The following TSPAN14 variants were observed in gnomAD, a reference collection of about 807,000 sequenced individuals.
The protein encoded by TSPAN14 is tetraspanin-14.
TSPAN14 carries 16 observed loss-of-function variants against 36.6 expected under a neutral mutation model. The ratio of observed to expected loss-of-function variants is 0.44; its 90% confidence interval spans 0.30 to 0.66. TSPAN14 has a LOEUF of 0.66. Among genes scored for constraint, TSPAN14 ranks in the 30% least tolerant of loss-of-function variants. The pLI, the probability that TSPAN14 is intolerant of heterozygous loss-of-function variation, is 0.12. For missense variants in TSPAN14, 231 were observed against 355.1 expected, an observed-to-expected ratio of 0.65 and a Z score of 2.81; for synonymous variants, 139 against 143.8, an observed-to-expected ratio of 0.97 and a Z score of 0.24.
chr10:80,485,843 G>A, intron 1 of TSPAN14: 1 of 342,654 alleles, frequency 2.9e-6, no homozygotes, highest in Non-Finnish European at 4.1e-6. Flanking sequence ...GGGGGAAAAA[G>A]TGTCACTGGG....
intron 1 of TSPAN14, among the ~76,000 whole-genome samples, chr10:80,458,188 G>A (rs116555529): frequency 0.011 from 1,722 of 152,334 alleles, 37 homozygotes; most frequent in African/African-American, 0.039. Context: ...ACTTTTGTGG[G>A]ACTCGGGGAT....
At chr10:80,501,306 T>A (rs984678572) in intron 2 of TSPAN14, among the ~76,000 whole-genome samples, 1 of 91,126 alleles carries the variant, frequency 1.1e-5, no homozygotes, top group Admixed American at 1.3e-4. Flanking sequence ...TTTTTTTTTT[T>A]AAGAGATGGG....
intron 7 of TSPAN14, among the ~76,000 whole-genome samples, chr10:80,514,373 T>C (rs1029866473): frequency 1.2e-4 from 19 of 152,222 alleles, no homozygotes; most frequent in East Asian, 7.7e-4. Context: ...GGAGGCTCCT[T>C]GGCATCCCAG....
chr10:80,508,719 T>C (rs545112546), intron 4 of TSPAN14, among the ~76,000 whole-genome samples: 1 of 152,314 alleles, frequency 6.6e-6, no homozygotes, highest in East Asian at 1.9e-4. Flanking sequence ...TGCAGGGAAC[T>C]CACATGTCCT....
intron 1 of TSPAN14, among the ~76,000 whole-genome samples, chr10:80,462,006 C>T (rs940190281): frequency 2.0e-5 from 3 of 151,890 alleles, no homozygotes; most frequent in African/African-American, 7.3e-5. Flanking sequence ...CTCCACCTTC[C>T]TGGCTCAAGT....
chr10:80,483,059 G>T (rs887979579), intron 1 of TSPAN14, among the ~76,000 whole-genome samples: 1 of 151,880 alleles, frequency 6.6e-6, no homozygotes, highest in Non-Finnish European at 1.5e-5. Flanking sequence ...TCACACTTAT[G>T]AATTGTTGAG....
chr10:80,484,048 C>G (rs1206191194), intron 1 of TSPAN14, among the ~76,000 whole-genome samples: 1 of 149,866 alleles, frequency 6.7e-6, no homozygotes, highest in African/African-American at 2.5e-5. Context: ...AGTTCAAAAC[C>G]AGCCTGGGCA....
At chr10:80,517,836 C>G in intron 8 of TSPAN14, 69 bp from the exon 9 acceptor site, 1 of 1,475,708 alleles carries the variant, frequency 6.8e-7, no homozygotes, top group South Asian at 1.2e-5. Context: ...CCCAACCCCA[C>G]CCTCCGCTCC....
chr10:80,497,216 G>A (rs1396669032), intron 2 of TSPAN14, among the ~76,000 whole-genome samples: 1 of 152,208 alleles, frequency 6.6e-6, no homozygotes. Context: ...CTGTTACAGT[G>A]ATATAAAAAC....
chr10:80,454,809 A>G (rs905978450), intron 1 of TSPAN14, among the ~76,000 whole-genome samples: 64 of 152,130 alleles, frequency 4.2e-4, no homozygotes, highest in African/African-American at 1.4e-3. Flanking sequence ...CTTTCGGCTC[A>G]GTCACCCACC....
intron 7 of TSPAN14, 53 bp downstream of exon 7, chr10:80,514,116 T>A (rs1840805720): frequency 2.0e-6 from 3 of 1,514,692 alleles, no homozygotes; most frequent in Non-Finnish European, 2.7e-6. Context: ...TTATTCCCTG[T>A]GGTTCAACAT....
chr10:80,466,921 G>A (rs570737302), intron 1 of TSPAN14, among the ~76,000 whole-genome samples: 1 of 152,342 alleles, frequency 6.6e-6, no homozygotes, highest in Non-Finnish European at 1.5e-5. Context: ...CAGGTCATAG[G>A]TGGGTTCGGA....
chr10:80,511,875 T>A (rs1010166039), intron 5 of TSPAN14, among the ~76,000 whole-genome samples: 43 of 151,558 alleles, frequency 2.8e-4, no homozygotes, highest in African/African-American at 9.7e-4. Flanking sequence ...TGTTTCCAAC[T>A]CCTGGGCTCA....
At chr10:80,465,856 G>C (rs1368737237) in intron 1 of TSPAN14, among the ~76,000 whole-genome samples, 2 of 152,170 alleles carry the variant, frequency 1.3e-5, no homozygotes, top group Admixed American at 6.5e-5. Context: ...ACTGTACCCT[G>C]CTTCTTCACA....
At chr10:80,480,973 G>T (rs1302887741) in intron 1 of TSPAN14, among the ~76,000 whole-genome samples, 6 of 152,102 alleles carry the variant, frequency 3.9e-5, no homozygotes, top group Non-Finnish European at 4.4e-5. Flanking sequence ...GGGCGTGGTG[G>T]TGCATGCCTG....
At chr10:80,488,710 C>T (rs1318744114) in intron 1 of TSPAN14, among the ~76,000 whole-genome samples, 1 of 152,146 alleles carries the variant, frequency 6.6e-6, no homozygotes, top group Admixed American at 6.5e-5. Context: ...CCTGCCTGCA[C>T]GTTCATCTCC....
chr10:80,493,498 A>G (rs982557653), intron 2 of TSPAN14, among the ~76,000 whole-genome samples: 2 of 152,270 alleles, frequency 1.3e-5, no homozygotes, highest in Non-Finnish European at 2.9e-5. Context: ...GCCAAAAGGT[A>G]GAAACAACCA....
intron 6 of TSPAN14, among the ~76,000 whole-genome samples, chr10:80,513,697 T>C (rs1840776077): frequency 6.6e-6 from 1 of 152,380 alleles, no homozygotes; most frequent in East Asian, 1.9e-4. Context: ...GTGAAAATTA[T>C]ATGAAATTCA....
At chr10:80,477,508 A>C (rs1322260112) in intron 1 of TSPAN14, among the ~76,000 whole-genome samples, 1 of 152,244 alleles carries the variant, frequency 6.6e-6, no homozygotes, top group Non-Finnish European at 1.5e-5. Context: ...AGAAAACAAC[A>C]GCAAGAAAAA....
Sources: gnomAD v4.1 joint callset for allele counts (sites outside exome capture counted in the v4.1 genomes callset) on GRCh38, gnomAD v4.1.1 for gene constraint, MANE v1.5 for transcripts, NCBI Gene and HGNC (gene_info 2026-07-23, HGNC 2026-07-21) for gene names.